RAB28: variants seen among roughly 807,000 people sequenced by gnomAD.
RAB28 encodes ras-related protein Rab-28.
In RAB28, 24 loss-of-function variants were observed where a neutral mutation model predicts 31.7. The ratio of observed to expected loss-of-function variants is 0.76; its 90% confidence interval spans 0.55 to 1.06. The LOEUF (loss-of-function observed/expected upper bound fraction) is 1.06. Among genes scored for constraint, RAB28 ranks in the 50% least tolerant of loss-of-function variants. The probability of loss-of-function intolerance (pLI) is 0.00; values close to 1 mark genes in which losing one functional copy is unlikely to be tolerated. For synonymous variants in RAB28, 100 were observed against 90.4 expected, an observed-to-expected ratio of 1.11 and a Z score of -0.60; for missense variants, 254 against 258.5, an observed-to-expected ratio of 0.98 and a Z score of 0.12.
intron 6 of RAB28, 86 bp from the exon 7 acceptor site, chr4:13,368,736 T>G: frequency 8.7e-7 from 1 of 1,142,988 alleles, no homozygotes; most frequent in Non-Finnish European, 1.2e-6. Flanking sequence ...TTTCTGAACT[T>G]TGCTGAACTT....
At chr4:13,474,241 C>G (rs1391171883) in intron 3 of RAB28, 77 bp downstream of exon 3, 2 of 896,916 alleles carry the variant, frequency 2.2e-6, no homozygotes, top group Non-Finnish European at 3.7e-6. Flanking sequence ...TGTGTGTGTG[C>G]ATTTGGGAGT....
intron 4 of RAB28, among the ~76,000 whole-genome samples, chr4:13,402,426 G>A (rs1376388919): frequency 2.0e-5 from 3 of 152,132 alleles, no homozygotes; most frequent in Admixed American, 6.5e-5. Flanking sequence ...TGCAAGTTCT[G>A]CTGCGTTTAT....
intron 6 of RAB28, chr4:13,371,377 A>G: frequency 3.0e-6 from 3 of 985,364 alleles, no homozygotes; most frequent in Non-Finnish European, 3.6e-6. Context: ...TATGGGTTAC[A>G]ATGAAGAGAT....
chr4:13,481,246 A>T (rs28571989), intron 1 of RAB28, among the ~76,000 whole-genome samples: 11,087 of 152,046 alleles, frequency 0.073, 975 homozygotes, highest in African/African-American at 0.21. Flanking sequence ...TTTCAACTGG[A>T]ATCGAGTGTA....
chr4:13,443,816 C>G (rs987109840), intron 4 of RAB28, among the ~76,000 whole-genome samples: 71 of 151,998 alleles, frequency 4.7e-4, no homozygotes, highest in Non-Finnish European at 7.4e-4. Flanking sequence ...TACTTTGTAC[C>G]CTTTGATCAA....
chr4:13,443,595 T>C (rs1243000590), intron 4 of RAB28, among the ~76,000 whole-genome samples: 2 of 152,208 alleles, frequency 1.3e-5, no homozygotes, highest in African/African-American at 2.4e-5. Context: ...CCTTGGACAA[T>C]ATGATGTTTG....
chr4:13,423,269 C>T (rs539741855), intron 4 of RAB28, among the ~76,000 whole-genome samples: 1 of 152,156 alleles, frequency 6.6e-6, no homozygotes, highest in South Asian at 2.1e-4. Flanking sequence ...GGCGCAGTGG[C>T]TCACGGCTGT....
chr4:13,454,481 T>C, intron 4 of RAB28, among the ~76,000 whole-genome samples: 1 of 152,216 alleles, frequency 6.6e-6, no homozygotes, highest in Non-Finnish European at 1.5e-5. Flanking sequence ...TGGAGTAGGA[T>C]AAGAAGAGAC....
Position 13,373,360 on chromosome 4 carries a change from T to C in RAB28, c.573+3185A>G, listed in dbSNP as rs1025404281. Among the ~76,000 whole-genome samples, 3 of 152,136 alleles carry C rather than the reference T, an allele frequency of 2.0e-5. No individual in the cohort carries two copies. The East Asian group carries it at 5.8e-4, about 29-fold the overall frequency. ...CACTACCTTAGAGGATAATGGTTGGTAGTGGAGAAGGGGAAGACTACATAA... is the reference window on the plus strand; with the variant it reads ...CACTACCTTAGAGGATAATGGTTGGCAGTGGAGAAGGGGAAGACTACATAA... On this transcript the variant is annotated intron_variant, in intron 6 of 6. Transcript: ENST00000330852.
intron 3 of RAB28, chr4:13,473,878 A>T (rs1716230927): frequency 8.3e-6 from 3 of 359,734 alleles, no homozygotes; most frequent in Non-Finnish European, 1.6e-5. Flanking sequence ...ATTAAATCTG[A>T]AAAGCTATCA....
At chr4:13,451,875 T>C (rs566693081) in intron 4 of RAB28, among the ~76,000 whole-genome samples, 2 of 152,094 alleles carry the variant, frequency 1.3e-5, no homozygotes, top group Non-Finnish European at 2.9e-5. Context: ...TTCTTGAACA[T>C]TTGTTAAAAG....
chr4:13,465,644 ATT>A (rs1715802361), intron 3 of RAB28, among the ~76,000 whole-genome samples: 4 of 151,908 alleles, frequency 2.6e-5, no homozygotes, highest in African/African-American at 9.7e-5. Flanking sequence ...TGAAGGAAAT[ATT>A]AAAAGAGGTT....
chr4:13,381,366 T>C, intron 5 of RAB28, 125 bp downstream of exon 5: 1 of 631,228 alleles, frequency 1.6e-6, no homozygotes, highest in Non-Finnish European at 2.8e-6. Context: ...ATATCTAATC[T>C]AAGGAATTTC....
intron 2 of RAB28, among the ~76,000 whole-genome samples, chr4:13,479,030 C>CA (rs1166928901): frequency 1.3e-5 from 2 of 151,566 alleles, no homozygotes; most frequent in East Asian, 1.9e-4. Flanking sequence ...CAACTTTAAA[C>CA]AAAAAACTAA....
In RAB28 at chr4:13,430,426, G is replaced by T. The variant is rs187743095; in HGVS notation, c.391+30273C>A. ...AGAAACTCAGAGTCCCATGGAAAGGGTAGGTGGGGGTGCTTCTCCACTCCC... is the reference window on the plus strand; with the variant it reads ...AGAAACTCAGAGTCCCATGGAAAGGTTAGGTGGGGGTGCTTCTCCACTCCC... On this transcript the variant is annotated intron_variant, in intron 4 of 6. Transcript: ENST00000330852. 9.2e-5 allele frequency among the ~76,000 whole-genome samples: 14 copies of T among 152,256 alleles called. 1 individual carries two copies. The highest frequency in any genetic ancestry group is 9.1e-4 in the Admixed American group (14 of 15,306).
chr4:13,449,229 A>C (rs1714846618), intron 4 of RAB28, among the ~76,000 whole-genome samples: 1 of 151,976 alleles, frequency 6.6e-6, no homozygotes, highest in African/African-American at 2.4e-5. Context: ...CCTTCAAAAT[A>C]AATTAAATAT....
intron 4 of RAB28, among the ~76,000 whole-genome samples, chr4:13,452,313 G>C (rs958351100): frequency 3.3e-5 from 5 of 151,502 alleles, no homozygotes; most frequent in African/African-American, 1.2e-4. Context: ...TCCTTCTACT[G>C]ATTTTGGGTT....
intron 4 of RAB28, among the ~76,000 whole-genome samples, chr4:13,440,836 A>C (rs1398506438): frequency 2.6e-5 from 4 of 152,082 alleles, no homozygotes; most frequent in Non-Finnish European, 5.9e-5. Flanking sequence ...CTGTAAGAAG[A>C]GATAAGGACA....
At chr4:13,462,471 C>T (rs918596581) in intron 3 of RAB28, among the ~76,000 whole-genome samples, 2 of 152,108 alleles carry the variant, frequency 1.3e-5, no homozygotes, top group Non-Finnish European at 2.9e-5. Flanking sequence ...CATAATTTTT[C>T]ATTGTAAAAG....
Sources: allele counts gnomAD v4.1 joint callset (sites outside exome capture counted in the v4.1 genomes callset), GRCh38; gene constraint gnomAD v4.1.1; transcripts MANE v1.5; gene names NCBI Gene and HGNC (gene_info 2026-07-23, HGNC 2026-07-21).